Variants in NUP37 observed in about 807,000 individuals in gnomAD.
NUP37 encodes the protein nucleoporin 37.
NUP37 carries 33 observed loss-of-function variants against 45.4 expected under a neutral mutation model. That is an observed-to-expected ratio of 0.73 (90% CI 0.55 to 0.97). The LOEUF (loss-of-function observed/expected upper bound fraction) is 0.97. Among genes scored for constraint, NUP37 ranks in the 50% least tolerant of loss-of-function variants. The pLI is 0.00. For synonymous variants in NUP37, 127 were observed against 130.7 expected, an observed-to-expected ratio of 0.97 and a Z score of 0.19; for missense variants, 365 against 389.7, an observed-to-expected ratio of 0.94 and a Z score of 0.53.
At chr12:102,114,616 G>A (rs926589200) in intron 2 of NUP37, among the ~76,000 whole-genome samples, 5 of 152,158 alleles carry the variant, frequency 3.3e-5, no homozygotes, top group African/African-American at 9.7e-5. Context: ...TGATGGAAGG[G>A]CTATTATAAG....
rs1880460133 is a variant in NUP37, at chr12:102,116,295, T to C, written c.156+2068A>G. 2.0e-5 allele frequency among the ~76,000 whole-genome samples: 3 copies of C among 152,350 alleles called. No individual in the cohort carries two copies. The South Asian group carries it at 6.2e-4, about 32-fold the overall frequency. On this transcript the variant is annotated intron_variant, in intron 2 of 9. Transcript: ENST00000552283. ...ATAAACATTTTTCAGTGTTTGCGAA[T>C]ACAATCCTATGTTGTTATTAATTTT...
intron 3 of NUP37, among the ~76,000 whole-genome samples, chr12:102,102,546 A>T (rs1027267376): frequency 1.3e-5 from 2 of 152,188 alleles, no homozygotes; most frequent in African/African-American, 4.8e-5. Flanking sequence ...ATTTTCTCAC[A>T]ATCTGTAGGT....
chr12:102,112,112 T>C lies in NUP37; in HGVS notation c.277A>G (p.Ile93Val), dbSNP rs1486798188. The change falls in exon 3 of 10, where the codon ATC becomes GTC. Residue 93 changes from isoleucine to valine, a missense_variant. By Grantham distance (29) the Ile-to-Val change is conservative. Transcript: ENST00000552283. ...ETRLDSLPPV[I>V]KFCTSAADMK... ...ATTTGGTACTGTTAAACTTACTTGA[T>C]TACTGGAGGCAATGAATCAAGTCTA... 3 of 1,613,552 alleles carry C rather than the reference T, an allele frequency of 1.9e-6. No individual in the cohort carries two copies. Among genetic ancestry groups the C allele is most frequent in the Non-Finnish European group, 2.5e-6 (3 of 1,179,632 alleles).
intron 6 of NUP37, among the ~76,000 whole-genome samples, chr12:102,085,160 C>T (rs985605467): frequency 2.6e-5 from 4 of 152,134 alleles, no homozygotes; most frequent in African/African-American, 9.7e-5. Context: ...TGGTTCATGC[C>T]TGTAGTCCCA....
At chr12:102,100,233 A>C (rs1033513517) in intron 4 of NUP37, among the ~76,000 whole-genome samples, 22 of 152,208 alleles carry the variant, frequency 1.4e-4, no homozygotes, top group Non-Finnish European at 2.8e-4. Flanking sequence ...CATTAAGCCC[A>C]CTGTAAATAG....
intron 5 of NUP37, among the ~76,000 whole-genome samples, chr12:102,096,205 T>C (rs577697081): frequency 2.0e-5 from 3 of 152,254 alleles, no homozygotes; most frequent in East Asian, 3.9e-4. Flanking sequence ...AAAATGTTTG[T>C]TAGAAAGGCA....
intron 5 of NUP37, among the ~76,000 whole-genome samples, chr12:102,096,796 CTTG>C: frequency 6.6e-6 from 1 of 152,204 alleles, no homozygotes; most frequent in South Asian, 2.1e-4. Context: ...TCATTTTAAA[CTTG>C]TTTTTATATA....
intron 3 of NUP37, among the ~76,000 whole-genome samples, chr12:102,106,503 T>C (rs531338050): frequency 5.3e-5 from 8 of 152,174 alleles, no homozygotes; most frequent in Non-Finnish European, 1.2e-4. Context: ...CTCAGTTTCC[T>C]CCTCAATAAA....
At position 102,120,068 on chromosome 12, in the gene NUP37, G is replaced by C. The variant is rs990454659; in HGVS notation, c.-84C>G. ...TACGCACCGCAGAGCGCCAGGAACCGACCAGAGGCAGGCTGGTCTTCCTTG... is the reference window on the plus strand; with the variant it reads ...TACGCACCGCAGAGCGCCAGGAACCCACCAGAGGCAGGCTGGTCTTCCTTG... On this transcript the variant is annotated 5_prime_UTR_variant, in exon 1 of 10. Coordinates refer to ENST00000552283, the MANE Select transcript of NUP37 (RefSeq NM_024057.4). The C allele has an allele frequency of 6.3e-6, 1 of 157,632 alleles. No homozygotes were observed. Among genetic ancestry groups the C allele is most frequent in the Non-Finnish European group, 1.4e-5 (1 of 70,822 alleles). 9.8% of individuals were successfully genotyped at this position (157,632 alleles called of 1,614,324 possible).
intron 3 of NUP37, among the ~76,000 whole-genome samples, chr12:102,110,714 C>T (rs73185927): frequency 9.9e-5 from 15 of 151,982 alleles, no homozygotes; most frequent in African/African-American, 3.1e-4. Flanking sequence ...TGATGATGGG[C>T]GCCTATAGTC....
intron 6 of NUP37, among the ~76,000 whole-genome samples, chr12:102,081,831 C>A (rs754163254): frequency 7.2e-5 from 11 of 151,942 alleles, no homozygotes; most frequent in Non-Finnish European, 1.5e-4. Flanking sequence ...GTAGCTGGGA[C>A]TACGGTCGAG....
At chr12:102,099,590 T>C (rs1332782185) in intron 4 of NUP37, among the ~76,000 whole-genome samples, 2 of 152,244 alleles carry the variant, frequency 1.3e-5, no homozygotes, top group African/African-American at 2.4e-5. Context: ...CTAGGCTTTT[T>C]ACATTATATC....
intron 2 of NUP37, among the ~76,000 whole-genome samples, chr12:102,113,285 G>C (rs1214834069): frequency 6.6e-6 from 1 of 152,116 alleles, no homozygotes; most frequent in Non-Finnish European, 1.5e-5. Context: ...CATAGATCCA[G>C]GGCCCGATTA....
At chr12:102,105,539 C>A (rs1332545515) in intron 3 of NUP37, among the ~76,000 whole-genome samples, 2 of 149,930 alleles carry the variant, frequency 1.3e-5, no homozygotes, top group African/African-American at 2.5e-5. Flanking sequence ...TCAACAACAA[C>A]AAGAATTCCG....
In NUP37 at chr12:102,101,020, T is replaced by C. The variant is rs375603537; in HGVS notation, c.354+12A>G. On this transcript the variant is annotated intron_variant, in intron 4 of 9. Transcript: ENST00000552283. ...AAATAAGCTCTAAAGATTTATATGGTTGTCAACATACCTTATATTCATTTT... is the reference window on the plus strand; with the variant it reads ...AAATAAGCTCTAAAGATTTATATGGCTGTCAACATACCTTATATTCATTTT... 14 of 1,428,448 alleles carry C rather than the reference T, an allele frequency of 9.8e-6. No individual in the cohort carries two copies. Among genetic ancestry groups the C allele is most frequent in the Non-Finnish European group, 1.2e-5 (12 of 1,037,802 alleles). 88.5% of individuals were successfully genotyped at this position (1,428,448 alleles called of 1,614,324 possible).
chr12:102,112,381 T>G, intron 2 of NUP37, 149 bp from the exon 3 acceptor site: 1 of 566,322 alleles, frequency 1.8e-6, no homozygotes, highest in Non-Finnish European at 2.8e-6. Flanking sequence ...ACTAGTTCAT[T>G]GAATTAAAAA....
In NUP37 at chr12:102,085,874, G is replaced by A; in HGVS notation, c.450-18C>T. ...TCCAAATCCTAATAAAAGAATAACA[G>A]TATAATGTTAATTGTTCTTGATATA... is the stretch of plus-strand genomic sequence containing the variant. On this transcript the variant is annotated intron_variant, in intron 5 of 9. Coordinates refer to ENST00000552283, the MANE Select transcript of NUP37 (RefSeq NM_024057.4). The A allele has an allele frequency of 7.9e-7, 1 of 1,264,084 alleles. No homozygotes were observed. The highest frequency in any genetic ancestry group is 2.0e-5 in the Admixed American group (1 of 49,982). The allele number at this position is 1,264,084 out of a possible 1,614,324, so 78.3% of individuals were successfully genotyped here. A position where few individuals can be genotyped will look rare whatever the true frequency, so the allele number is the denominator to read the frequency against.
At chr12:102,115,180 G>A (rs1476851600) in intron 2 of NUP37, among the ~76,000 whole-genome samples, 1 of 152,080 alleles carries the variant, frequency 6.6e-6, no homozygotes, top group Admixed American at 6.5e-5. Context: ...TATCTTCTCT[G>A]AATCATAATA....
intron 3 of NUP37, among the ~76,000 whole-genome samples, chr12:102,111,375 C>T (rs66521551): frequency 0.3 from 45,622 of 151,884 alleles, 7,197 homozygotes; most frequent in East Asian, 0.42. Context: ...TACAAATATA[C>T]GTATTTGTCA....
Sources: gnomAD v4.1 joint callset for allele counts (sites outside exome capture counted in the v4.1 genomes callset) on GRCh38, gnomAD v4.1.1 for gene constraint, MANE v1.5 for transcripts, NCBI Gene and HGNC (gene_info 2026-07-23, HGNC 2026-07-21) for gene names.